Variants in ZDHHC24 observed in about 807,000 individuals in gnomAD.
The protein encoded by ZDHHC24 is probable palmitoyltransferase ZDHHC24.
ZDHHC24 carries 17 observed loss-of-function variants against 23.2 expected under a neutral mutation model. That is an observed-to-expected ratio of 0.73 (90% CI 0.50 to 1.10). The LOEUF (loss-of-function observed/expected upper bound fraction) is 1.10. ZDHHC24 is among the 50% of genes least tolerant of loss of function. The pLI, the probability that ZDHHC24 is intolerant of heterozygous loss-of-function variation, is 0.00. For missense variants in ZDHHC24, 366 were observed against 393.0 expected (o/e 0.93, Z 0.58); for synonymous variants, 186 against 194.5 (o/e 0.96, Z 0.36).
intron 4 of ZDHHC24, among the ~76,000 whole-genome samples, chr11:66,522,029 A>T (rs918072649): frequency 1.7e-4 from 25 of 150,840 alleles, no homozygotes; most frequent in Non-Finnish European, 3.0e-4. Flanking sequence ...CATCCTGGCT[A>T]ACACAGTGAA....
intron 4 of ZDHHC24, chr11:66,522,947 A>C (rs1856305799): frequency 1.1e-5 from 4 of 359,552 alleles, no homozygotes; most frequent in South Asian, 8.5e-5. Context: ...AGAGTGTTGT[A>C]GGCCAACTCA....
At chr11:66,535,332 AC>A (rs1325097009), downstream of ZDHHC24, among the ~76,000 whole-genome samples, 5 of 135,026 alleles carry the variant, frequency 3.7e-5, no homozygotes, top group South Asian at 2.4e-4. Context: ...ACCTCAGCCC[AC>A]CCCCATCCCC....
chr11:66,536,214 C>G lies in ZDHHC24; in HGVS notation c.*3315G>C, dbSNP rs1305135354. ...CTCAAATGCAGTGGGGCTGTTTCCT[C>G]TTAATTTTTATAAATGTGTTCTTGT... On this transcript the variant is annotated 3_prime_UTR_variant, in exon 3 of 3. Coordinates refer to ENST00000310442, the MANE Select transcript of ZDHHC24 (RefSeq NM_207340.3). 6.6e-6 allele frequency: 1 copy of G among 152,406 alleles called. No individual in the cohort carries two copies. The highest frequency in any genetic ancestry group is 1.5e-5 in the Non-Finnish European group (1 of 68,202). The allele number at this position is 152,406 out of a possible 1,614,324, so 9.4% of individuals were successfully genotyped here. A position where few individuals can be genotyped will look rare whatever the true frequency, so the allele number is the denominator to read the frequency against.
downstream of ZDHHC24, among the ~76,000 whole-genome samples, chr11:66,534,718 C>T (rs572244987): frequency 1.2e-4 from 18 of 151,976 alleles, no homozygotes; most frequent in South Asian, 1.7e-3. Flanking sequence ...TTTTTTGAGA[C>T]GGAGTCTCAC....
At position 66,536,104 on chromosome 11, in the gene ZDHHC24, A is replaced by G. The variant is rs1856955538; in HGVS notation, c.*3425T>C. 1 of 152,426 alleles carries G rather than the reference A, an allele frequency of 6.6e-6. No individual in the cohort carries two copies. The highest frequency in any genetic ancestry group is 1.5e-5 in the Non-Finnish European group (1 of 68,212). The allele number at this position is 152,426 out of a possible 1,614,324, so 9.4% of individuals were successfully genotyped here. ...AAACACATTAATAAAACTATAAAGC[A>G]AAGCAACGGAATGACTGAAACAGGA... On this transcript the variant is annotated 3_prime_UTR_variant, in exon 3 of 3. Coordinates refer to ENST00000310442, the MANE Select transcript of ZDHHC24 (RefSeq NM_207340.3).
chr11:66,530,756 T>G, downstream of ZDHHC24: 1 of 1,275,926 alleles, frequency 7.8e-7, no homozygotes, highest in Non-Finnish European at 1.1e-6. Flanking sequence ...CCCCTTCTGG[T>G]CTTCTGTGTC....
At chr11:66,529,832 CT>C (rs1421545109) in intron 2 of ZDHHC24, 1 of 1,611,320 alleles carries the variant, frequency 6.2e-7, no homozygotes, top group Non-Finnish European at 8.5e-7. Context: ...TGCACCGGGC[CT>C]TCCAGACAGA....
intron 4 of ZDHHC24, chr11:66,526,638 C>T: frequency 6.2e-7 from 1 of 1,614,160 alleles, no homozygotes; most frequent in Non-Finnish European, 8.5e-7. Flanking sequence ...TTCCACTGTC[C>T]ACTTCCCTAG....
chr11:66,545,805 C>G lies in ZDHHC24; in HGVS notation c.199G>C (p.Gly67Arg). The change falls in exon 1 of 3, where the codon GGC becomes CGC. Residue 67 changes from glycine (G) to arginine (R), a missense_variant. By Grantham distance (125) the Gly-to-Arg change is moderately radical (BLOSUM62 -2). Transcript: ENST00000310442. The surrounding 1 kb of genome is among the most constrained non-coding windows in gnomAD (Gnocchi z 4.5). ...GAGCGCAGGAAGAGCCCCACGTTGC[C>G]CAGCAGGTTGAGCAGCTGGAAGGCG... Reference protein sequence around the residue: ...LAAFQLLNLLGNVGLFLRSDP... With the variant: ...LAAFQLLNLLRNVGLFLRSDP... 6.3e-7 allele frequency: 1 copy of G among 1,583,514 alleles called. No homozygotes were observed. Among genetic ancestry groups the G allele is most frequent in the African/African-American group, 1.3e-5 (1 of 74,612 alleles).
intron 4 of ZDHHC24, among the ~76,000 whole-genome samples, chr11:66,524,746 A>T (rs1170063262): frequency 6.6e-6 from 1 of 152,184 alleles, no homozygotes; most frequent in African/African-American, 2.4e-5. Flanking sequence ...CAACATTTTT[A>T]AAAATAGAAT....
chr11:66,523,424 T>C (rs1368601942), intron 4 of ZDHHC24: 4 of 1,614,016 alleles, frequency 2.5e-6, no homozygotes, highest in Admixed American at 3.3e-5. Context: ...AGGATTTCTC[T>C]GGGGCCAGAC....
intron 4 of ZDHHC24, among the ~76,000 whole-genome samples, chr11:66,524,893 AAAAAT>A (rs1485057599): frequency 1.4e-5 from 2 of 141,096 alleles, no homozygotes; most frequent in Non-Finnish European, 3.3e-5. Context: ...CATCTCTACT[AAAAAT>A]AAACAAATTA....
chr11:66,524,269 G>A, intron 4 of ZDHHC24: 2 of 323,880 alleles, frequency 6.2e-6, no homozygotes, highest in Non-Finnish European at 1.2e-5. Context: ...AACAGAGCGA[G>A]ACTCCATCTT....
At chr11:66,542,110 G>A (rs138620533) in intron 2 of ZDHHC24, among the ~76,000 whole-genome samples, 2,186 of 152,142 alleles carry the variant, frequency 0.014, 55 homozygotes, top group African/African-American at 0.05. Flanking sequence ...AATTTGGGAT[G>A]TGCCAGCTGA....
At chr11:66,520,919 A>T (rs1437522289), downstream of ZDHHC24, 7 of 353,704 alleles carry the variant, frequency 2.0e-5, no homozygotes, top group Non-Finnish European at 2.7e-5. Flanking sequence ...AAGTTTTGCC[A>T]TGTTGGACAG....
rs773859895 is a variant in ZDHHC24, at chr11:66,545,687, C to T, written c.281+36G>A. 7.3e-5 allele frequency: 108 copies of T among 1,472,828 alleles called. No individual in the cohort carries two copies. The highest frequency in any genetic ancestry group is 9.2e-5 in the Non-Finnish European group (103 of 1,116,584). 91.2% of individuals were successfully genotyped at this position (1,472,828 alleles called of 1,614,324 possible). A position where few individuals can be genotyped will look rare whatever the true frequency, so the allele number is the denominator to read the frequency against. On this transcript the variant is annotated intron_variant, in intron 1 of 2. Coordinates refer to ENST00000310442, the MANE Select transcript of ZDHHC24 (RefSeq NM_207340.3). This position sits in a 1 kb window ranked among gnomAD's most constrained non-coding sequence, Gnocchi z 4.5. Reference sequence around the variant, plus strand: ...GGGCCCCTCCCCCCTGTCCAAGGCTCCCACTTCTCCCCGCCCGATCCCGCA... The same window carrying T: ...GGGCCCCTCCCCCCTGTCCAAGGCTTCCACTTCTCCCCGCCCGATCCCGCA...
chr11:66,526,871 G>C lies in ZDHHC24; in HGVS notation c.*21+65C>G. 13 of 1,613,712 alleles carry C rather than the reference G, an allele frequency of 8.1e-6. 1 individual carries two copies. The South Asian group carries it at 1.4e-4, about 18-fold the overall frequency. ...CACTGCTCCTACACAGCAAAGCTGG[G>C]GGAATGCTGCCCAGCCTCCCTGTGC... On this transcript the variant is annotated intron_variant, in intron 4 of 4. Transcript: ENST00000526986.
intron 4 of ZDHHC24, chr11:66,523,254 T>G: frequency 2.8e-6 from 2 of 717,576 alleles, no homozygotes; most frequent in Non-Finnish European, 5.0e-6. Flanking sequence ...GACACCATAG[T>G]GAAGGTGGGA....
chr11:66,521,382 C>T (rs1218108420), exon 5 of ZDHHC24: 5 of 1,612,532 alleles, frequency 3.1e-6, no homozygotes, highest in Non-Finnish European at 1.7e-6. Flanking sequence ...AGAAGGTAGC[C>T]ACATCCGTGG....
Sources: gnomAD v4.1 joint callset for allele counts (sites outside exome capture counted in the v4.1 genomes callset) on GRCh38, gnomAD v4.1.1 for gene constraint, Gnocchi (gnomAD v3.1) non-coding constraint, MANE v1.5 for transcripts, NCBI Gene and HGNC (gene_info 2026-07-23, HGNC 2026-07-21) for gene names.